The following EPHX2 variants were observed in gnomAD, a reference collection of about 807,000 sequenced individuals.
EPHX2 encodes the protein epoxide hydrolase 2, also known as bifunctional epoxide hydrolase 2.
A neutral mutation model predicts 78.7 loss-of-function variants in EPHX2; 74 were observed. That is an observed-to-expected ratio of 0.94 (90% confidence interval 0.78 to 1.14). The LOEUF is 1.14. Among genes scored for constraint, EPHX2 ranks in the 50% most tolerant of loss-of-function variants. The pLI is 0.00. For synonymous variants in EPHX2, 251 were observed against 255.2 expected, an observed-to-expected ratio of 0.98 and a Z score of 0.16; for missense variants, 715 against 702.5, an observed-to-expected ratio of 1.02 and a Z score of -0.20.
chr8:27,514,142 A>ACC (rs113136720), intron 6 of EPHX2, among the ~76,000 whole-genome samples: 4 of 151,978 alleles, frequency 2.6e-5, no homozygotes, highest in East Asian at 1.9e-4. Flanking sequence ...ACATAGTGAG[A>ACC]CCCCCCATCT....
At position 27,543,006 on chromosome 8, in the gene EPHX2, T is replaced by TC. The variant is rs60846123; in HGVS notation, c.1450-734dup. On this transcript the variant is annotated intron_variant, in intron 16 of 18. Transcript: ENST00000521400. ...CCCCACCTCCTCCCATCCCATCCTC[T>TC]CCCCCCCCCGCCCCCCGCCCAGTTC... Among the ~76,000 whole-genome samples the TC allele has an allele frequency of 4.8e-3, 475 of 99,704 alleles. 3 individuals carry two copies. Among genetic ancestry groups the TC allele is most frequent in the African/African-American group, 9.0e-3 (246 of 27,228 alleles). The allele number at this position is 99,704 out of a possible 152,430, so 65.4% of individuals were successfully genotyped here. A position where few individuals can be genotyped will look rare whatever the true frequency, so the allele number is the denominator to read the frequency against.
At chr8:27,527,348 G>A (rs868005719) in intron 12 of EPHX2, among the ~76,000 whole-genome samples, 3 of 152,314 alleles carry the variant, frequency 2.0e-5, no homozygotes, top group Admixed American at 2.0e-4. Context: ...ATAGGTGTGA[G>A]CTACTGCACA....
rs541607409 is a variant in EPHX2 at position 27,530,574 on chromosome 8, T to C, written c.1170+5101T>C. Among the ~76,000 whole-genome samples the C allele has an allele frequency of 1.8e-4, 28 of 152,296 alleles. 1 individual carries two copies. The South Asian group carries it at 4.8e-3, about 26-fold the overall frequency. On this transcript the variant is annotated intron_variant, in intron 12 of 18. Transcript: ENST00000521400. ...GCACAGATTTTTTTGTCAGCACATA[T>C]AGATTTATCTCATTCTTTTTAATGG... is the stretch of plus-strand genomic sequence containing the variant.
chr8:27,518,080 G>A lies in EPHX2; in HGVS notation c.945+8G>A, dbSNP rs758291257. ...ATGGAAGTGTTATGTAAGGTAAGAA[G>A]AATCTTGGGTAACATCTTCCCCATC... On this transcript the variant is annotated splice_region_variant and intron_variant, in intron 9 of 18. Transcript: ENST00000521400. 6.3e-7 allele frequency: 1 copy of A among 1,597,728 alleles called. No homozygotes were observed. Among genetic ancestry groups the A allele is most frequent in the Non-Finnish European group, 8.5e-7 (1 of 1,174,562 alleles).
rs780448704 is a variant in EPHX2 at position 27,515,795 on chromosome 8, G to T, written c.813G>T (p.Trp271Cys). The change falls in exon 7 of 19, where the codon TGG becomes TGT. Residue 271 changes from tryptophan (W) to cysteine (C), a missense_variant. Trp to Cys is a radical substitution (Grantham distance 215, BLOSUM62 -2). Coordinates refer to ENST00000521400, the MANE Select transcript of EPHX2 (RefSeq NM_001979.6). ...VCLCHGFPES[W>C]YSWRYQIPAL... ...TCTGCCATGGATTTCCCGAGAGTTG[G>T]TATTCTTGGAGGTACCAGGTGAGAA... 4.3e-6 allele frequency: 7 copies of T among 1,614,004 alleles called. No individual in the cohort carries two copies. In the East Asian group the frequency reaches 1.3e-4, roughly 31 times the overall value.
intron 4 of EPHX2, among the ~76,000 whole-genome samples, chr8:27,506,632 A>ATT (rs1297882692): frequency 6.6e-6 from 1 of 152,192 alleles, no homozygotes; most frequent in Non-Finnish European, 1.5e-5. Flanking sequence ...TGTCACCTTG[A>ATT]TAAGTGTGTA....
At position 27,544,569 on chromosome 8, in the gene EPHX2, G is replaced by C; in HGVS notation, c.*47G>C. 1 of 1,594,402 alleles carries C rather than the reference G, an allele frequency of 6.3e-7. No individual in the cohort carries two copies. Among genetic ancestry groups the C allele is most frequent in the Non-Finnish European group, 8.6e-7 (1 of 1,163,566 alleles). On this transcript the variant is annotated 3_prime_UTR_variant, in exon 19 of 19. Coordinates refer to ENST00000521400, the MANE Select transcript of EPHX2 (RefSeq NM_001979.6). ...CAGCAGGTGTGCCATCCTTCCACCT[G>C]CTGGGGCACCATTCTTAGTATACAG...
rs1482767363 is a variant in EPHX2 at position 27,491,152 on chromosome 8, T to G, written c.-57T>G. ...GCTGGGCGGGTCATGCGCCCTGGCC[T>G]TCGCGCATCTCCCAGGTTAGCTGCG... On this transcript the variant is annotated 5_prime_UTR_variant, in exon 1 of 19. Transcript: ENST00000521400. 27 of 1,503,588 alleles carry G rather than the reference T, an allele frequency of 1.8e-5. No individual in the cohort carries two copies. Among genetic ancestry groups the G allele is most frequent in the Non-Finnish European group, 2.4e-5 (27 of 1,124,728 alleles). 93.1% of individuals were successfully genotyped at this position (1,503,588 alleles called of 1,614,324 possible). A position where few individuals can be genotyped will look rare whatever the true frequency, so the allele number is the denominator to read the frequency against.
intron 1 of EPHX2, among the ~76,000 whole-genome samples, chr8:27,498,324 C>A (rs1813647440): frequency 6.6e-6 from 1 of 151,930 alleles, no homozygotes; most frequent in South Asian, 2.1e-4. Flanking sequence ...GGAGGCTTAT[C>A]ATTAACAGGA....
At chr8:27,503,554 G>C in intron 2 of EPHX2, 50 bp from the exon 3 acceptor site, 1 of 1,553,334 alleles carries the variant, frequency 6.4e-7, no homozygotes, top group Non-Finnish European at 8.7e-7. Context: ...GACCCTGCCA[G>C]AGCTTTTCTG....
intron 14 of EPHX2, 24 bp from the exon 15 acceptor site, chr8:27,540,530 G>A (rs761575626): frequency 1.9e-6 from 3 of 1,611,624 alleles, no homozygotes; most frequent in Non-Finnish European, 1.7e-6. Flanking sequence ...GGATGGGAAA[G>A]TCAACAAGTG....
chr8:27,538,835 A>C (rs888103237), intron 14 of EPHX2, 143 bp downstream of exon 14: 2 of 854,076 alleles, frequency 2.3e-6, no homozygotes, highest in Admixed American at 3.9e-5. Flanking sequence ...CTCGGCATGC[A>C]TAGGGCTGAC....
rs755846950 is a variant in EPHX2 at position 27,540,673 on chromosome 8, G to T, written c.1379+17G>T. On this transcript the variant is annotated intron_variant, in intron 15 of 18. Coordinates refer to ENST00000521400, the MANE Select transcript of EPHX2 (RefSeq NM_001979.6). ...TGGTTTCAGGTAAAGAGAGCACAGG[G>T]CCCAGACACAGATGAGAGATGATCG... The T allele has an allele frequency of 6.2e-7, 1 of 1,608,752 alleles. No homozygotes were observed. The highest frequency in any genetic ancestry group is 8.5e-7 in the Non-Finnish European group (1 of 1,175,200).
chr8:27,517,889 T>G, intron 8 of EPHX2, 149 bp from the exon 9 acceptor site: 1 of 646,264 alleles, frequency 1.5e-6, no homozygotes, highest in Non-Finnish European at 2.7e-6. Flanking sequence ...AACACTCGAG[T>G]CTACCTCAGT....
rs1036779320 is a variant in EPHX2, at chr8:27,531,528, G to A, written c.1171-5256G>A. ...TTGGCCTGTCTTGGAGAACACTGGC[G>A]CAGACTTCCAGAGGAATTGGAGTCA... On this transcript the variant is annotated intron_variant, in intron 12 of 18. Coordinates refer to ENST00000521400, the MANE Select transcript of EPHX2 (RefSeq NM_001979.6). Among the ~76,000 whole-genome samples, 11 of 152,186 alleles carry A rather than the reference G, an allele frequency of 7.2e-5. No homozygotes were observed. The East Asian group carries it at 9.6e-4, about 13-fold the overall frequency.
chr8:27,496,353 A>T (rs1813572473), intron 1 of EPHX2, among the ~76,000 whole-genome samples: 1 of 152,190 alleles, frequency 6.6e-6, no homozygotes, highest in Non-Finnish European at 1.5e-5. Flanking sequence ...GACCAAACAG[A>T]TGAAGGCTAT....
chr8:27,527,427 AGT>A (rs1814889139), intron 12 of EPHX2, among the ~76,000 whole-genome samples: 1 of 152,198 alleles, frequency 6.6e-6, no homozygotes, highest in Admixed American at 6.5e-5. Context: ...CCTATTTGTA[AGT>A]GTGCAGTTCT....
rs748046265 is a variant in EPHX2 at position 27,543,778 on chromosome 8, G to A, written c.1479G>A (p.Ala493=). 2.9e-5 allele frequency: 47 copies of A among 1,613,944 alleles called. No individual in the cohort carries two copies. Among genetic ancestry groups the A allele is most frequent in the South Asian group, 5.5e-5 (5 of 91,068 alleles). Residue 493 remains alanine, a synonymous_variant, in exon 17 of 19, where the codon GCG becomes GCA. Transcript: ENST00000521400. ...KILIPALMVT[A]EKDFVLVPQM... is the part of the protein sequence containing the mutation. ...TGATTCCGGCCCTGATGGTCACGGC[G>A]GAGAAGGACTTCGTGCTCGTTCCTC...
At chr8:27,540,389 G>T (rs563789475) in intron 14 of EPHX2, among the ~76,000 whole-genome samples, 165 bp from the exon 15 acceptor site, 1 of 152,132 alleles carries the variant, frequency 6.6e-6, no homozygotes, top group Non-Finnish European at 1.5e-5. Context: ...TTGAGCTTTC[G>T]AGGAGATGGG....
Sources: gnomAD v4.1 joint callset for allele counts (sites outside exome capture counted in the v4.1 genomes callset) on GRCh38, gnomAD v4.1.1 for gene constraint, MANE v1.5 for transcripts, NCBI Gene and HGNC (gene_info 2026-07-23, HGNC 2026-07-21) for gene names.